The following RP1 variants were observed in gnomAD, a reference collection of about 807,000 sequenced individuals.
RP1 encodes the protein oxygen-regulated protein 1.
A neutral mutation model predicts 14.8 loss-of-function variants in RP1; 16 were observed. The observed-to-expected ratio is 1.08, with a 90% CI of 0.73 to 1.65. The LOEUF is 1.65. Ranked by LOEUF, RP1 falls within the 40% of genes most tolerant of loss-of-function variation. The pLI, the probability that RP1 is intolerant of heterozygous loss-of-function variation, is 0.00. For missense variants in RP1, 2,631 were observed against 2,535.0 expected (o/e 1.04, Z -0.81); for synonymous variants, 876 against 883.6 (o/e 0.99, Z 0.15).
At chr8:54,766,134 C>T (rs2129372537) in intron 22 of RP1, among the ~76,000 whole-genome samples, 1 of 152,154 alleles carries the variant, frequency 6.6e-6, no homozygotes, top group South Asian at 2.1e-4. Context: ...ACTCAGATGT[C>T]TCATTACGAA....
intron 2 of RP1, 117 bp downstream of exon 2, chr8:54,621,698 T>C (rs1385667971): frequency 1.4e-6 from 2 of 1,427,032 alleles, no homozygotes; most frequent in African/African-American, 1.4e-5. Context: ...TCCCTGCCTG[T>C]GTATGTGAGT....
At chr8:54,708,530 T>A (rs1350672183) in intron 15 of RP1, among the ~76,000 whole-genome samples, 3 of 152,030 alleles carry the variant, frequency 2.0e-5, no homozygotes, top group African/African-American at 7.2e-5. Context: ...AATTTTTGTG[T>A]TTGTATTTTT....
At position 54,630,717 on chromosome 8, in the gene RP1, C is replaced by T; in HGVS notation, c.*364C>T. On this transcript the variant is annotated 3_prime_UTR_variant, in exon 4 of 4. Transcript: ENST00000220676. ...TAGCTTGGTGTAAAATGTATATTGACTGTATTGGTGAATAAATTGAATAGA... is the reference window on the plus strand; with the variant it reads ...TAGCTTGGTGTAAAATGTATATTGATTGTATTGGTGAATAAATTGAATAGA... 3 of 1,067,948 alleles carry T rather than the reference C, an allele frequency of 2.8e-6. No individual in the cohort carries two copies. The highest frequency in any genetic ancestry group is 3.4e-6 in the Non-Finnish European group (3 of 881,872). The allele number at this position is 1,067,948 out of a possible 1,614,324, so 66.2% of individuals were successfully genotyped here.
chr8:54,677,428 GT>G (rs1807317241), intron 8 of RP1, among the ~76,000 whole-genome samples: 1 of 152,114 alleles, frequency 6.6e-6, no homozygotes, highest in African/African-American at 2.4e-5. Context: ...TATATGCTGC[GT>G]TAAAAAGTTT....
chr8:54,769,999 G>A (rs1407891816), downstream of RP1: 2 of 496,228 alleles, frequency 4.0e-6, no homozygotes, highest in Non-Finnish European at 7.0e-6. Flanking sequence ...TGCCCTAATT[G>A]AAGTTAAAAA....
At chr8:54,597,923 C>T (rs1262906718) in intron 1 of RP1, among the ~76,000 whole-genome samples, 2 of 152,002 alleles carry the variant, frequency 1.3e-5, no homozygotes, top group Non-Finnish European at 2.9e-5. Flanking sequence ...CATTTTATCA[C>T]ATCTGTAACC....
intron 1 of RP1, among the ~76,000 whole-genome samples, chr8:54,610,675 A>T (rs900183990): frequency 1.3e-5 from 2 of 152,154 alleles, no homozygotes; most frequent in African/African-American, 4.8e-5. Flanking sequence ...CAAAAATCTT[A>T]GTCTTCCTTG....
exon 25 of RP1, chr8:54,837,506 T>A: frequency 8.1e-7 from 1 of 1,231,772 alleles, no homozygotes; most frequent in East Asian, 3.2e-5. Context: ...ATGACAACAC[T>A]GGAAAGAATC....
chr8:54,645,682 T>G, intron 3 of RP1, among the ~76,000 whole-genome samples: 1 of 152,208 alleles, frequency 6.6e-6, no homozygotes, highest in East Asian at 1.9e-4. Flanking sequence ...CTGATTTGGG[T>G]ACCAGAGTAA....
chr8:54,585,965 G>T (rs1804911104), intron 1 of RP1, among the ~76,000 whole-genome samples: 1 of 152,200 alleles, frequency 6.6e-6, no homozygotes, highest in Admixed American at 6.5e-5. Context: ...GCTCGGAGTA[G>T]TTTGATCGTC....
intron 24 of RP1, among the ~76,000 whole-genome samples, chr8:54,824,963 T>A (rs1563387855): frequency 2.0e-5 from 3 of 151,076 alleles, no homozygotes; most frequent in Admixed American, 6.6e-5. Flanking sequence ...TTTCTTTCTT[T>A]TTTTTTTTTA....
intron 24 of RP1, among the ~76,000 whole-genome samples, chr8:54,795,003 T>A (rs1466445723): frequency 6.6e-6 from 1 of 152,030 alleles, no homozygotes; most frequent in Non-Finnish European, 1.5e-5. Context: ...TCAACATAAC[T>A]AATCATCAAG....
At chr8:54,569,597 T>G (rs756109655) in intron 1 of RP1, among the ~76,000 whole-genome samples, 1 of 152,210 alleles carries the variant, frequency 6.6e-6, no homozygotes, top group South Asian at 2.1e-4. Flanking sequence ...CTGCCCACCA[T>G]GTGCTTCATA....
rs370287145 is a variant in RP1 at position 54,837,579 on chromosome 8, C to T, written c.3745C>T (p.Pro1249Ser). 66 of 1,231,876 alleles carry T rather than the reference C, an allele frequency of 5.4e-5. No homozygotes were observed. In the East Asian group the frequency reaches 2.0e-3, roughly 37 times the overall value. The allele number at this position is 1,231,876 out of a possible 1,614,324, so 76.3% of individuals were successfully genotyped here. Residue 1249 changes from proline to serine, a missense_variant, in exon 25 of 29, where the codon CCT becomes TCT. Transcript: ENST00000637698. ...AGCCACATATGAGCTATTTTGTTTA[C>T]CTGTTGATTCCTGGATAGCTGAGAA... is the stretch of plus-strand genomic sequence containing the variant.
At chr8:54,739,446 T>C (rs72650358) in intron 19 of RP1, among the ~76,000 whole-genome samples, 2 of 152,104 alleles carry the variant, frequency 1.3e-5, no homozygotes, top group Non-Finnish European at 2.9e-5. Context: ...GTGAACAAAA[T>C]TTTTGTGGAC....
At chr8:54,782,891 T>C (rs1810223345) in intron 23 of RP1, among the ~76,000 whole-genome samples, 1 of 152,038 alleles carries the variant, frequency 6.6e-6, no homozygotes, top group African/African-American at 2.4e-5. Context: ...CCCTTCTGCT[T>C]GCATGATGCA....
chr8:54,813,910 T>C (rs1811073813), intron 24 of RP1, among the ~76,000 whole-genome samples: 1 of 152,248 alleles, frequency 6.6e-6, no homozygotes, highest in Admixed American at 6.5e-5. Flanking sequence ...AATCTAGTCA[T>C]CTGGAATTAA....
Position 54,628,031 on chromosome 8 carries a change from A to T in RP1, c.4149A>T (p.Gly1383=), listed in dbSNP as rs750699210. ...TGACAGACCCTGAATATAAAAATGGATTTAATACATTGGTGTCACATCAAA... is the reference window on the plus strand; with the variant it reads ...TGACAGACCCTGAATATAAAAATGGTTTTAATACATTGGTGTCACATCAAA... The part of the protein sequence containing the change: ...NILTDPEYKN[G]FNTLVSHQNV... Residue 1383 remains glycine, a synonymous_variant, in exon 4 of 4, where the codon GGA becomes GGT. Transcript: ENST00000220676. 6.2e-7 allele frequency: 1 copy of T among 1,613,996 alleles called. No homozygotes were observed. Among genetic ancestry groups the T allele is most frequent in the Non-Finnish European group, 8.5e-7 (1 of 1,179,924 alleles).
At chr8:54,736,572 C>T (rs528456511) in intron 18 of RP1, among the ~76,000 whole-genome samples, 247 of 152,264 alleles carry the variant, frequency 1.6e-3, no homozygotes, top group African/African-American at 5.7e-3. Context: ...TGACAGATTA[C>T]AGGCACCAAG....
Sources: gnomAD v4.1 joint callset for allele counts (sites outside exome capture counted in the v4.1 genomes callset) on GRCh38, gnomAD v4.1.1 for gene constraint, MANE v1.5 for transcripts, NCBI Gene and HGNC (gene_info 2026-07-23, HGNC 2026-07-21) for gene names.